Variants in ASIC2 observed in about 807,000 individuals in gnomAD.
ASIC2 encodes acid sensing ion channel subunit 2, also known as acid-sensing ion channel 2.
ASIC2 carries 25 observed loss-of-function variants against 57.3 expected under a neutral mutation model. The ratio of observed to expected loss-of-function variants is 0.44; its 90% CI spans 0.32 to 0.61. The LOEUF (loss-of-function observed/expected upper bound fraction) is 0.61, where lower values mean the gene tolerates loss of function less well. Ranked by LOEUF, ASIC2 falls within the 20% of genes least tolerant of loss-of-function variation. The pLI is 0.06. For synonymous variants in ASIC2, 319 were observed against 307.5 expected, an observed-to-expected ratio of 1.04 and a Z score of -0.39; for missense variants, 641 against 738.1, an observed-to-expected ratio of 0.87 and a Z score of 1.52.
chr17:33,543,276 T>TA (rs1294848480), intron 1 of ASIC2, among the ~76,000 whole-genome samples: 1 of 125,446 alleles, frequency 8.0e-6, no homozygotes, highest in Non-Finnish European at 1.6e-5. Context: ...CCCTAAAACT[T>TA]AAAGTATAAT....
chr17:33,371,627 G>C (rs1909065534), intron 1 of ASIC2, among the ~76,000 whole-genome samples: 1 of 152,122 alleles, frequency 6.6e-6, no homozygotes, highest in African/African-American at 2.4e-5. Flanking sequence ...GTGCTCATCA[G>C]GGCCAGCAGA....
chr17:33,273,154 C>T (rs1904573018), intron 1 of ASIC2, among the ~76,000 whole-genome samples: 1 of 151,878 alleles, frequency 6.6e-6, no homozygotes, highest in Non-Finnish European at 1.5e-5. Flanking sequence ...AAAATAAAAG[C>T]TTAAGGTGAG....
chr17:33,098,089 C>T (rs571617220), intron 2 of ASIC2, among the ~76,000 whole-genome samples: 1 of 152,300 alleles, frequency 6.6e-6, no homozygotes, highest in South Asian at 2.1e-4. Flanking sequence ...GCTTTAGTTT[C>T]CTCTGTTCAA....
intron 1 of ASIC2, among the ~76,000 whole-genome samples, chr17:33,970,773 G>A (rs1905207947): frequency 6.6e-6 from 1 of 152,196 alleles, no homozygotes; most frequent in Non-Finnish European, 1.5e-5. Flanking sequence ...TGTCCAGGCT[G>A]ACTCCAAACT....
intron 1 of ASIC2, among the ~76,000 whole-genome samples, chr17:34,102,223 G>A (rs943805357): frequency 9.2e-5 from 14 of 151,996 alleles, no homozygotes; most frequent in Admixed American, 7.2e-4. Flanking sequence ...CCAGCTACTC[G>A]GGAGGCTGAG....
chr17:33,022,985 G>A (rs182597878), intron 6 of ASIC2, among the ~76,000 whole-genome samples: 80 of 152,202 alleles, frequency 5.3e-4, no homozygotes, highest in Non-Finnish European at 9.6e-4. Flanking sequence ...CCCAGGCTGA[G>A]CTTGAACTCC....
At chr17:33,244,706 T>C (rs569410587) in intron 1 of ASIC2, among the ~76,000 whole-genome samples, 1 of 152,290 alleles carries the variant, frequency 6.6e-6, no homozygotes, top group Non-Finnish European at 1.5e-5. Context: ...GATCCTTGCA[T>C]ATAGGGTCTT....
intron 1 of ASIC2, among the ~76,000 whole-genome samples, chr17:33,281,557 G>A (rs995978425): frequency 1.3e-5 from 2 of 152,096 alleles, no homozygotes; most frequent in Admixed American, 1.3e-4. Flanking sequence ...TTTTGAAACA[G>A]CCCTACACGA....
At chr17:33,101,588 C>T (rs1404560480) in intron 2 of ASIC2, among the ~76,000 whole-genome samples, 3 of 152,134 alleles carry the variant, frequency 2.0e-5, no homozygotes, top group African/African-American at 4.8e-5. Flanking sequence ...CAATTTCTAC[C>T]ATGTAGGAAT....
At chr17:33,904,216 T>TGGA (rs1292165467) in intron 1 of ASIC2, among the ~76,000 whole-genome samples, 7 of 139,040 alleles carry the variant, frequency 5.0e-5, no homozygotes, top group Non-Finnish European at 7.7e-5. Context: ...TGAGAAAAGA[T>TGGA]GGAGAGCCTT....
chr17:34,123,549 CA>C (rs2142121269), intron 1 of ASIC2, among the ~76,000 whole-genome samples: 1 of 152,278 alleles, frequency 6.6e-6, no homozygotes, highest in Admixed American at 6.5e-5. Context: ...TCTGAGTCAC[CA>C]TGACAGTGAC....
intron 1 of ASIC2, among the ~76,000 whole-genome samples, chr17:33,952,922 A>G (rs1036045384): frequency 6.6e-6 from 1 of 152,228 alleles, no homozygotes; most frequent in African/African-American, 2.4e-5. Context: ...ATGTAATTAT[A>G]AAAGGTTGGA....
chr17:33,299,927 A>G (rs1192815159), intron 1 of ASIC2, among the ~76,000 whole-genome samples: 1 of 152,162 alleles, frequency 6.6e-6, no homozygotes, highest in African/African-American at 2.4e-5. Flanking sequence ...GTTGGGAGAG[A>G]CTTGCTGTAA....
At chr17:33,714,359 C>T (rs1909145286) in intron 1 of ASIC2, among the ~76,000 whole-genome samples, 1 of 152,070 alleles carries the variant, frequency 6.6e-6, no homozygotes, top group South Asian at 2.1e-4. Flanking sequence ...ACACAAATAT[C>T]CTTCAGTAGT....
chr17:33,674,804 G>A (rs58702147), intron 1 of ASIC2, among the ~76,000 whole-genome samples: 2 of 152,274 alleles, frequency 1.3e-5, no homozygotes, highest in African/African-American at 2.4e-5. Context: ...TCTGCCGGCC[G>A]AATGTAGTGT....
At chr17:34,027,370 G>A (rs1464451838) in intron 1 of ASIC2, among the ~76,000 whole-genome samples, 1 of 152,096 alleles carries the variant, frequency 6.6e-6, no homozygotes, top group African/African-American at 2.4e-5. Flanking sequence ...TATCCTTCCT[G>A]GTTACACGGC....
intron 1 of ASIC2, among the ~76,000 whole-genome samples, chr17:33,426,179 C>G (rs951464110): frequency 6.6e-6 from 1 of 152,120 alleles, no homozygotes; most frequent in African/African-American, 2.4e-5. Flanking sequence ...GCTCTGAGAG[C>G]AGCAGGAACA....
At chr17:33,579,572 G>T (rs556415774) in intron 1 of ASIC2, among the ~76,000 whole-genome samples, 1 of 152,144 alleles carries the variant, frequency 6.6e-6, no homozygotes, top group African/African-American at 2.4e-5. Flanking sequence ...CCCTACTGGT[G>T]AGTGTTACAG....
intron 1 of ASIC2, among the ~76,000 whole-genome samples, chr17:33,307,392 C>T (rs1906228735): frequency 1.3e-5 from 2 of 152,032 alleles, no homozygotes; most frequent in Non-Finnish European, 2.9e-5. Flanking sequence ...TCACTGCAAC[C>T]TCCACCTCCC....
Sources: allele counts gnomAD v4.1 joint callset (sites outside exome capture counted in the v4.1 genomes callset), GRCh38; gene constraint gnomAD v4.1.1; transcripts MANE v1.5; gene names NCBI Gene and HGNC (gene_info 2026-07-23, HGNC 2026-07-21).